AFG1L: variants seen among roughly 807,000 people sequenced by gnomAD.
AFG1L encodes the protein AFG1 like ATPase.
Under a neutral mutation model 62.2 loss-of-function variants are expected in AFG1L, and 53 were observed. The ratio of observed to expected loss-of-function variants is 0.85; its 90% CI spans 0.68 to 1.07. AFG1L has a LOEUF of 1.07. AFG1L is among the 50% of genes least tolerant of loss of function. The pLI is 0.00. For synonymous variants in AFG1L, 228 were observed against 210.3 expected (o/e 1.08, Z -0.73); for missense variants, 555 against 590.5 (o/e 0.94, Z 0.62).
intron 6 of AFG1L, among the ~76,000 whole-genome samples, chr6:108,378,753 C>G (rs1044424201): frequency 2.0e-5 from 3 of 152,058 alleles, no homozygotes; most frequent in African/African-American, 7.2e-5. Context: ...TGTGCTGGTT[C>G]CTTCTCATCT....
chr6:108,495,738 A>G (rs1052137795), intron 10 of AFG1L, among the ~76,000 whole-genome samples: 1 of 152,222 alleles, frequency 6.6e-6, no homozygotes, highest in Non-Finnish European at 1.5e-5. Flanking sequence ...CTCTTTGCAA[A>G]GTCATTATAG....
intron 6 of AFG1L, among the ~76,000 whole-genome samples, chr6:108,395,576 A>G (rs756893099): frequency 2.0e-5 from 3 of 150,962 alleles, no homozygotes; most frequent in African/African-American, 7.3e-5. Flanking sequence ...TAATTTTTCT[A>G]TTTTTTGTAC....
rs182312389 is a variant in AFG1L at position 108,357,555 on chromosome 6, A to C, written c.648+735A>C. Among the ~76,000 whole-genome samples the C allele has an allele frequency of 3.9e-3, 589 of 152,354 alleles. 1 individual carries two copies. Among genetic ancestry groups the C allele is most frequent in the Non-Finnish European group, 6.1e-3 (416 of 68,036 alleles). On this transcript the variant is annotated intron_variant, in intron 5 of 12. Transcript: ENST00000368977. ...TGACTGTACATCTCCCCTACACCAC[A>C]AAGATAATGTAATTATTATAAAACA... is the stretch of plus-strand genomic sequence containing the variant.
At position 108,513,800 on chromosome 6, in the gene AFG1L, C is replaced by T. The variant is rs143882194; in HGVS notation, c.1203+3448C>T. Among the ~76,000 whole-genome samples the T allele has an allele frequency of 6.8e-3, 1,034 of 152,322 alleles. 9 individuals carry two copies. The highest frequency in any genetic ancestry group is 0.024 in the African/African-American group (988 of 41,576). ...CAGCACACAGCTTGAGATCTGAGAA[C>T]GGACAGACTGTCTCCTCAAGTGGGT... On this transcript the variant is annotated intron_variant, in intron 11 of 12. Coordinates refer to ENST00000368977, the MANE Select transcript of AFG1L (RefSeq NM_145315.5).
Position 108,513,179 on chromosome 6 carries a change from A to C in AFG1L, c.1203+2827A>C, listed in dbSNP as rs977686006. ...GGGACAGCTCCAGTCTACAGCTCCCAGCATGAGCGACGCAGAAGATGAATG... is the reference window on the plus strand; with the variant it reads ...GGGACAGCTCCAGTCTACAGCTCCCCGCATGAGCGACGCAGAAGATGAATG... On this transcript the variant is annotated intron_variant, in intron 11 of 12. Coordinates refer to ENST00000368977, the MANE Select transcript of AFG1L (RefSeq NM_145315.5). Among the ~76,000 whole-genome samples the C allele has an allele frequency of 3.3e-5, 5 of 152,246 alleles. No homozygotes were observed. The East Asian group carries it at 9.6e-4, about 29-fold the overall frequency.
At chr6:108,397,230 C>T (rs377646045) in intron 6 of AFG1L, among the ~76,000 whole-genome samples, 116 of 152,178 alleles carry the variant, frequency 7.6e-4, no homozygotes, top group South Asian at 5.2e-3. Context: ...TGGGTTCAAG[C>T]GATTCTCCTG....
intron 7 of AFG1L, among the ~76,000 whole-genome samples, chr6:108,416,623 A>G (rs1180363904): frequency 2.0e-5 from 3 of 152,214 alleles, no homozygotes; most frequent in Non-Finnish European, 4.4e-5. Context: ...TGTCCTTTGT[A>G]GGGACATGGA....
At chr6:108,314,989 C>G (rs534497830) in intron 1 of AFG1L, among the ~76,000 whole-genome samples, 149 of 152,188 alleles carry the variant, frequency 9.8e-4, no homozygotes, top group Admixed American at 4.6e-3. Flanking sequence ...CAGGCATGCA[C>G]TAGCATGCCC....
intron 11 of AFG1L, among the ~76,000 whole-genome samples, chr6:108,512,004 C>T (rs930113624): frequency 3.3e-5 from 5 of 152,162 alleles, no homozygotes; most frequent in Non-Finnish European, 7.4e-5. Context: ...GAGAGTCTAG[C>T]AGGGGAGAGT....
intron 8 of AFG1L, among the ~76,000 whole-genome samples, chr6:108,449,805 T>G (rs1358914197): frequency 1.3e-5 from 2 of 152,088 alleles, no homozygotes; most frequent in African/African-American, 4.8e-5. Flanking sequence ...CCTGTGTCCA[T>G]GTGTTCTCAT....
At chr6:108,510,120 T>C in intron 10 of AFG1L, 92 bp from the exon 11 acceptor site, 1 of 933,922 alleles carries the variant, frequency 1.1e-6, no homozygotes, top group Non-Finnish European at 1.6e-6. Flanking sequence ...GATCACACCA[T>C]GACAAGAAAG....
At chr6:108,360,591 A>G (rs1020887427) in intron 5 of AFG1L, among the ~76,000 whole-genome samples, 1 of 152,096 alleles carries the variant, frequency 6.6e-6, no homozygotes, top group African/African-American at 2.4e-5. Context: ...TACAATTCCA[A>G]CTTGAATCTT....
At chr6:108,410,339 C>CA (rs2114655751) in intron 7 of AFG1L, among the ~76,000 whole-genome samples, 1 of 151,924 alleles carries the variant, frequency 6.6e-6, no homozygotes, top group South Asian at 2.1e-4. Flanking sequence ...TTTTGATGCA[C>CA]AACTGAACCT....
At chr6:108,316,198 G>A (rs1582576656) in intron 1 of AFG1L, among the ~76,000 whole-genome samples, 2 of 150,880 alleles carry the variant, frequency 1.3e-5, no homozygotes, top group Admixed American at 6.6e-5. Flanking sequence ...TGGCTAAAAC[G>A]GTGAAACCCC....
intron 6 of AFG1L, among the ~76,000 whole-genome samples, chr6:108,371,469 C>T (rs1022732920): frequency 2.6e-5 from 4 of 152,048 alleles, no homozygotes; most frequent in African/African-American, 4.8e-5. Flanking sequence ...ACTGCATCCT[C>T]GACCTCCTGA....
At chr6:108,399,010 T>A (rs1781435773) in intron 6 of AFG1L, among the ~76,000 whole-genome samples, 1 of 152,144 alleles carries the variant, frequency 6.6e-6, no homozygotes, top group African/African-American at 2.4e-5. Flanking sequence ...TGGTGGGGAT[T>A]GCATTGAATC....
Position 108,477,265 on chromosome 6 carries a change from C to G in AFG1L, c.1035C>G (p.Asp345Glu). The G allele has an allele frequency of 6.2e-7, 1 of 1,608,920 alleles. No homozygotes were observed. The highest frequency in any genetic ancestry group is 8.5e-7 in the Non-Finnish European group (1 of 1,176,408). Residue 345 changes from aspartate to glutamate, a missense_variant, in exon 10 of 13, where the codon GAC becomes GAG. By Grantham distance (45) the Asp-to-Glu change is conservative. Coordinates refer to ENST00000368977, the MANE Select transcript of AFG1L (RefSeq NM_145315.5). Reference sequence around the variant, plus strand: ...ATAAAGCCTGTGGAACCGTTGCCGACTGCACATTTGAAGAGCTGTGTGAGA... The same window carrying G: ...ATAAAGCCTGTGGAACCGTTGCCGAGTGCACATTTGAAGAGCTGTGTGAGA... Reference protein sequence around the residue: ...RLNKACGTVADCTFEELCERP... With the variant: ...RLNKACGTVAECTFEELCERP...
At chr6:108,517,994 T>G (rs1774970943) in intron 11 of AFG1L, among the ~76,000 whole-genome samples, 1 of 152,128 alleles carries the variant, frequency 6.6e-6, no homozygotes, top group African/African-American at 2.4e-5. Flanking sequence ...CATTAAAAAG[T>G]CAGGAAACAA....
intron 10 of AFG1L, among the ~76,000 whole-genome samples, chr6:108,493,950 C>T (rs1454882912): frequency 6.6e-6 from 1 of 152,106 alleles, no homozygotes; most frequent in African/African-American, 2.4e-5. Context: ...GATTCTTGTA[C>T]GTCAGCCTCC....
Sources: allele counts gnomAD v4.1 joint callset (sites outside exome capture counted in the v4.1 genomes callset), GRCh38; gene constraint gnomAD v4.1.1; transcripts MANE v1.5; gene names NCBI Gene and HGNC (gene_info 2026-07-23, HGNC 2026-07-21).